The following SSH2 variants were observed in gnomAD, a reference collection of about 807,000 sequenced individuals.
The protein encoded by SSH2 is slingshot protein phosphatase 2.
SSH2 carries 37 observed loss-of-function variants against 135.2 expected under a neutral mutation model. The ratio of observed to expected loss-of-function variants is 0.27; its 90% CI spans 0.21 to 0.36. The LOEUF (loss-of-function observed/expected upper bound fraction) is 0.36. Ranked by LOEUF, SSH2 falls within the 10% of genes least tolerant of loss-of-function variation. SSH2 has a pLI of 1.00. For synonymous variants in SSH2, 628 were observed against 646.2 expected (o/e 0.97, Z 0.43); for missense variants, 1,408 against 1,765.3 (o/e 0.80, Z 3.63).
intron 13 of SSH2, among the ~76,000 whole-genome samples, chr17:29,649,194 G>A (rs969973748): frequency 4.8e-4 from 73 of 151,864 alleles, no homozygotes; most frequent in African/African-American, 1.6e-3. Context: ...AGCATTTTAA[G>A]AGATACACAC....
At chr17:29,641,937 CT>C (rs34380761) in intron 14 of SSH2, among the ~76,000 whole-genome samples, 116,517 of 139,486 alleles carry the variant, frequency 0.84, 48,433 homozygotes, top group East Asian at 0.91. Context: ...TAGACATTGT[CT>C]TTTTTTTTTT....
chr17:29,878,579 A>G (rs1022841431), intron 1 of SSH2, among the ~76,000 whole-genome samples: 7 of 152,208 alleles, frequency 4.6e-5, no homozygotes. Flanking sequence ...TAAAAAAAAC[A>G]ATTGGAGAAA....
intron 2 of SSH2, among the ~76,000 whole-genome samples, chr17:29,842,610 T>C (rs1288644172): frequency 6.6e-6 from 1 of 152,202 alleles, no homozygotes; most frequent in African/African-American, 2.4e-5. Flanking sequence ...GTAAGATTTT[T>C]AAAAGAAAAT....
At chr17:29,874,933 C>T (rs1263220965) in intron 1 of SSH2, among the ~76,000 whole-genome samples, 1 of 152,034 alleles carries the variant, frequency 6.6e-6, no homozygotes, top group East Asian at 1.9e-4. Context: ...TATAACTTTC[C>T]CCCAAGTGAT....
intron 3 of SSH2, among the ~76,000 whole-genome samples, chr17:29,725,636 A>T (rs2039978726): frequency 6.6e-6 from 1 of 152,218 alleles, no homozygotes; most frequent in South Asian, 2.1e-4. Context: ...TTCTCAACAA[A>T]CTAACACAGG....
intron 1 of SSH2, among the ~76,000 whole-genome samples, chr17:29,904,573 T>G (rs1264365484): frequency 6.6e-6 from 1 of 152,104 alleles, no homozygotes; most frequent in Non-Finnish European, 1.5e-5. Context: ...CTGGAAGCAT[T>G]CCCCTTGAAA....
intron 3 of SSH2, among the ~76,000 whole-genome samples, chr17:29,726,283 C>T (rs2040001086): frequency 6.6e-6 from 1 of 152,114 alleles, no homozygotes; most frequent in African/African-American, 2.4e-5. Flanking sequence ...TGTGCAAAGG[C>T]CTGGTCAGAG....
At chr17:29,800,704 T>C (rs942270759) in intron 2 of SSH2, among the ~76,000 whole-genome samples, 18 of 151,884 alleles carry the variant, frequency 1.2e-4, no homozygotes, top group African/African-American at 4.3e-4. Context: ...GACTAAATAT[T>C]TGTTGGCTTT....
intron 2 of SSH2, among the ~76,000 whole-genome samples, chr17:29,817,139 G>A (rs1003132482): frequency 3.9e-5 from 6 of 152,260 alleles, no homozygotes; most frequent in Non-Finnish European, 7.4e-5. Context: ...TCAGCATCAT[G>A]CATTGTCAGC....
At chr17:29,763,903 C>T (rs949801587) in intron 3 of SSH2, among the ~76,000 whole-genome samples, 6 of 151,318 alleles carry the variant, frequency 4.0e-5, no homozygotes, top group Non-Finnish European at 5.9e-5. Context: ...TCACTTTGAA[C>T]TGTAATATAG....
At chr17:29,745,206 C>T (rs1392761516) in intron 3 of SSH2, among the ~76,000 whole-genome samples, 1 of 151,520 alleles carries the variant, frequency 6.6e-6, no homozygotes, top group East Asian at 1.9e-4. Context: ...GTCACCTAGG[C>T]TGGAGTGCAG....
chr17:29,764,549 C>T (rs1028441697), intron 3 of SSH2, among the ~76,000 whole-genome samples: 1 of 152,206 alleles, frequency 6.6e-6, no homozygotes, highest in South Asian at 2.1e-4. Flanking sequence ...TAGTTTTCTA[C>T]TCTACATGAA....
At chr17:29,756,706 G>C (rs2041140814) in intron 3 of SSH2, among the ~76,000 whole-genome samples, 1 of 151,996 alleles carries the variant, frequency 6.6e-6, no homozygotes, top group Admixed American at 6.6e-5. Context: ...CCAGGCTGGA[G>C]TGCAGTGGTG....
chr17:29,674,994 C>T (rs2037646732), intron 8 of SSH2, among the ~76,000 whole-genome samples: 1 of 152,164 alleles, frequency 6.6e-6, no homozygotes, highest in Admixed American at 6.6e-5. Context: ...TGTACTCTTC[C>T]CCAAAATATA....
chr17:29,725,502 T>A (rs1170783493), intron 3 of SSH2, among the ~76,000 whole-genome samples: 1 of 152,146 alleles, frequency 6.6e-6, no homozygotes, highest in South Asian at 2.1e-4. Context: ...CCAACCCAAA[T>A]GCCCATCAAT....
chr17:29,750,940 A>G (rs1567946496), intron 3 of SSH2, among the ~76,000 whole-genome samples: 1 of 152,042 alleles, frequency 6.6e-6, no homozygotes, highest in Non-Finnish European at 1.5e-5. Flanking sequence ...GCTTAGGCCT[A>G]AAGAGTCAGG....
intron 3 of SSH2, among the ~76,000 whole-genome samples, chr17:29,731,152 TC>T (rs1170793458): frequency 6.6e-6 from 1 of 152,166 alleles, no homozygotes; most frequent in African/African-American, 2.4e-5. Context: ...AAGGGTAGTA[TC>T]TCAACATTTA....
Position 29,632,259 on chromosome 17 carries a change from C to T in SSH2, c.2935G>A (p.Ala979Thr). ...AGCACCCTGGGAGCTGGAACAGTGG[C>T]ATTCTGCTCAGAATGGGACAGTGAG... The part of the protein sequence containing the change: ...AGSLSHSEQN[A>T]TVPAPRVLEF... The change falls in exon 16 of 16, where the codon GCC (alanine) becomes ACC (threonine). Residue 979 changes from alanine (A) to threonine (T), a missense_variant. This residue lies in a region of SSH2 where 1,080 missense variants were observed against 1,144.5 expected (regional missense o/e 0.94). Coordinates refer to ENST00000540801, the MANE Select transcript of SSH2 (RefSeq NM_001282129.2). The T allele has an allele frequency of 6.2e-7, 1 of 1,614,064 alleles. No homozygotes were observed. Among genetic ancestry groups the T allele is most frequent in the South Asian group, 1.1e-5 (1 of 91,074 alleles).
At chr17:29,731,166 GGCA>G (rs2040177962) in intron 3 of SSH2, among the ~76,000 whole-genome samples, 5 of 152,078 alleles carry the variant, frequency 3.3e-5, no homozygotes, top group Admixed American at 3.3e-4. Flanking sequence ...AACATTTAAA[GGCA>G]GATAGGAAAA....
Sources: gnomAD v4.1 joint callset for allele counts (sites outside exome capture counted in the v4.1 genomes callset) on GRCh38, gnomAD v4.1.1 for gene constraint, gnomAD v4.1.1 regional missense constraint, MANE v1.5 for transcripts, NCBI Gene and HGNC (gene_info 2026-07-23, HGNC 2026-07-21) for gene names.